The following JAKMIP2 variants were observed in gnomAD, a reference collection of about 807,000 sequenced individuals.
The protein encoded by JAKMIP2 is janus kinase and microtubule-interacting protein 2.
Under a neutral mutation model 115.0 loss-of-function variants are expected in JAKMIP2, and 25 were observed. The observed-to-expected ratio is 0.22, with a 90% CI of 0.16 to 0.30. The LOEUF (loss-of-function observed/expected upper bound fraction) is 0.30. Ranked by LOEUF, JAKMIP2 falls within the 10% of genes least tolerant of loss-of-function variation. JAKMIP2 has a pLI of 1.00. For synonymous variants in JAKMIP2, 334 were observed against 343.6 expected (o/e 0.97, Z 0.31); for missense variants, 642 against 957.6 (o/e 0.67, Z 4.35).
intron 1 of JAKMIP2, among the ~76,000 whole-genome samples, chr5:147,716,489 C>G (rs1299035476): frequency 6.6e-6 from 1 of 151,074 alleles, no homozygotes; most frequent in Admixed American, 6.6e-5. Context: ...TATTTCTCCA[C>G]ATCCTCTCCA....
intron 1 of JAKMIP2, among the ~76,000 whole-genome samples, chr5:147,732,199 G>T (rs1753760192): frequency 6.6e-6 from 1 of 152,106 alleles, no homozygotes; most frequent in South Asian, 2.1e-4. Flanking sequence ...TAGGTTTCCA[G>T]TCTATGTTTA....
At chr5:147,645,027 T>C in intron 5 of JAKMIP2, 31 bp from the exon 6 acceptor site, 1 of 1,609,274 alleles carries the variant, frequency 6.2e-7, no homozygotes. Flanking sequence ...ATTTGTGTCT[T>C]GCGTTTGGGG....
intron 16 of JAKMIP2, among the ~76,000 whole-genome samples, chr5:147,624,334 T>C (rs910232471): frequency 6.6e-6 from 1 of 152,122 alleles, no homozygotes; most frequent in Non-Finnish European, 1.5e-5. Context: ...GAGTGATAAT[T>C]GCACTGGGGT....
chr5:147,589,440 C>G lies in JAKMIP2; in HGVS notation c.*2267G>C, dbSNP rs1469224862. ...CCAGCATGGGCAACAGAGCAAGACTCCATCTCAAAAAAAAAAAAAAAAAAG... is the reference window on the plus strand; with the variant it reads ...CCAGCATGGGCAACAGAGCAAGACTGCATCTCAAAAAAAAAAAAAAAAAAG... On this transcript the variant is annotated 3_prime_UTR_variant, in exon 22 of 22. Transcript: ENST00000616793. 1.4e-5 allele frequency: 1 copy of G among 73,828 alleles called. No individual in the cohort carries two copies. Among genetic ancestry groups the G allele is most frequent in the African/African-American group, 4.3e-5 (1 of 23,408 alleles). The allele number at this position is 73,828 out of a possible 1,614,324, so 4.6% of individuals were successfully genotyped here. A position where few individuals can be genotyped will look rare whatever the true frequency, so the allele number is the denominator to read the frequency against.
intron 1 of JAKMIP2, among the ~76,000 whole-genome samples, chr5:147,697,114 C>T (rs947090842): frequency 2.6e-5 from 4 of 152,028 alleles, no homozygotes; most frequent in Non-Finnish European, 5.9e-5. Context: ...TTTCACACTG[C>T]TAATAAAAAC....
At chr5:147,676,726 G>C (rs183645942) in intron 1 of JAKMIP2, among the ~76,000 whole-genome samples, 14 of 152,208 alleles carry the variant, frequency 9.2e-5, no homozygotes, top group African/African-American at 2.9e-4. Flanking sequence ...AAAGATATTA[G>C]AGAAGTTAGA....
intron 1 of JAKMIP2, among the ~76,000 whole-genome samples, chr5:147,752,839 A>G (rs1158770865): frequency 6.6e-6 from 1 of 152,174 alleles, no homozygotes; most frequent in Non-Finnish European, 1.5e-5. Context: ...TTTTGGCTAG[A>G]ACAACTGAGT....
At chr5:147,593,332 G>A (rs1755190923) in intron 21 of JAKMIP2, among the ~76,000 whole-genome samples, 1 of 152,228 alleles carries the variant, frequency 6.6e-6, no homozygotes, top group Non-Finnish European at 1.5e-5. Context: ...TCACACATAT[G>A]TTGCCCAGAA....
intron 1 of JAKMIP2, among the ~76,000 whole-genome samples, chr5:147,751,446 G>A (rs184862696): frequency 1.9e-3 from 290 of 152,008 alleles, no homozygotes; most frequent in African/African-American, 6.5e-3. Flanking sequence ...CAAGTCAAGT[G>A]GTGTGTTTGG....
chr5:147,754,867 C>G (rs1027572307), intron 1 of JAKMIP2, among the ~76,000 whole-genome samples: 1 of 152,126 alleles, frequency 6.6e-6, no homozygotes, highest in African/African-American at 2.4e-5. Flanking sequence ...GTAGGGTGAG[C>G]AACATGTGGA....
intron 1 of JAKMIP2, among the ~76,000 whole-genome samples, chr5:147,700,495 T>G (rs190226137): frequency 1.9e-3 from 288 of 152,274 alleles, no homozygotes; most frequent in African/African-American, 6.5e-3. Flanking sequence ...GGCTAATATA[T>G]GTCTCATGCA....
At chr5:147,682,339 A>G (rs902973917) in intron 1 of JAKMIP2, among the ~76,000 whole-genome samples, 1 of 152,202 alleles carries the variant, frequency 6.6e-6, no homozygotes, top group Non-Finnish European at 1.5e-5. Flanking sequence ...TTCATCCACA[A>G]ATCAATGTGT....
At chr5:147,715,454 A>G (rs547710275) in intron 1 of JAKMIP2, among the ~76,000 whole-genome samples, 37 of 151,144 alleles carry the variant, frequency 2.4e-4, no homozygotes, top group African/African-American at 8.2e-4. Flanking sequence ...ATAATTAAAT[A>G]TATATGTATT....
intron 1 of JAKMIP2, among the ~76,000 whole-genome samples, chr5:147,779,710 T>C (rs1755687964): frequency 6.6e-6 from 1 of 152,108 alleles, no homozygotes. Context: ...AAATGGAGTC[T>C]TACTGTTATA....
intron 1 of JAKMIP2, among the ~76,000 whole-genome samples, chr5:147,745,435 C>T (rs918632503): frequency 6.6e-6 from 1 of 152,150 alleles, no homozygotes; most frequent in African/African-American, 2.4e-5. Flanking sequence ...ATCTCTGTAT[C>T]ATCACTGTAA....
intron 1 of JAKMIP2, among the ~76,000 whole-genome samples, chr5:147,687,675 G>C (rs1760638005): frequency 6.6e-6 from 1 of 152,082 alleles, no homozygotes; most frequent in South Asian, 2.1e-4. Context: ...TATTAAAACT[G>C]GTCTATTCTT....
chr5:147,623,784 A>G (rs2126662560), intron 16 of JAKMIP2, 95 bp from the exon 17 acceptor site: 6 of 710,492 alleles, frequency 8.4e-6, no homozygotes, highest in South Asian at 1.7e-5. Flanking sequence ...CTCCCCTTAT[A>G]TCTCAGGAAG....
At chr5:147,669,456 G>T (rs1034672772) in intron 2 of JAKMIP2, among the ~76,000 whole-genome samples, 4 of 152,182 alleles carry the variant, frequency 2.6e-5, no homozygotes, top group Non-Finnish European at 5.9e-5. Flanking sequence ...AGATAAACAG[G>T]CAGCCTGGTT....
intron 3 of JAKMIP2, among the ~76,000 whole-genome samples, chr5:147,655,820 T>C (rs1581363808): frequency 1.3e-5 from 2 of 152,196 alleles, no homozygotes; most frequent in East Asian, 3.9e-4. Context: ...ATCTTTCTGA[T>C]GTGGGCATTT....
Sources: allele counts gnomAD v4.1 joint callset (sites outside exome capture counted in the v4.1 genomes callset), GRCh38; gene constraint gnomAD v4.1.1; transcripts MANE v1.5; gene names NCBI Gene and HGNC (gene_info 2026-07-23, HGNC 2026-07-21).